Variants in GPHN observed in about 807,000 individuals in gnomAD.
The protein encoded by GPHN is gephyrin.
In GPHN, 17 loss-of-function variants were observed where a neutral mutation model predicts 95.5. The observed-to-expected ratio is 0.18, with a 90% CI of 0.12 to 0.27. GPHN has a LOEUF of 0.27. GPHN is among the 10% of genes least tolerant of loss of function. GPHN has a pLI of 1.00. For missense variants in GPHN, 660 were observed against 978.1 expected (o/e 0.67, Z 4.34); for synonymous variants, 320 against 322.5 (o/e 0.99, Z 0.08).
At chr14:67,264,524 G>T in the GPHN span, among the ~76,000 whole-genome samples, 1 of 152,032 alleles carries the variant, frequency 6.6e-6, no homozygotes, top group Non-Finnish European at 1.5e-5. Flanking sequence ...TTAAGTTTTT[G>T]AATCCATTTT....
the GPHN span, chr14:67,312,637 A>G: frequency 6.2e-7 from 1 of 1,613,672 alleles, no homozygotes; most frequent in Non-Finnish European, 8.5e-7. Flanking sequence ...TGATCAGTCA[A>G]GAAGATCCAA....
intron 3 of GPHN, among the ~76,000 whole-genome samples, chr14:66,796,742 G>A (rs143160010): frequency 0.012 from 1,783 of 152,036 alleles, 16 homozygotes; most frequent in Non-Finnish European, 0.018. Flanking sequence ...CCGATGGGTA[G>A]CTTGCAAATA....
chr14:67,722,752 C>G, the GPHN span: 1 of 1,506,870 alleles, frequency 6.6e-7, no homozygotes, highest in Non-Finnish European at 9.2e-7. Flanking sequence ...TTTACAAAGA[C>G]CTGCACTGGA....
intron 4 of GPHN, among the ~76,000 whole-genome samples, chr14:66,876,399 C>T (rs1021013493): frequency 6.6e-6 from 1 of 152,012 alleles, no homozygotes; most frequent in African/African-American, 2.4e-5. Flanking sequence ...TAACTAAAAT[C>T]AGAGTAAAAC....
intron 12 of GPHN, among the ~76,000 whole-genome samples, chr14:67,090,107 T>C (rs2077087516): frequency 6.6e-6 from 1 of 152,176 alleles, no homozygotes; most frequent in Admixed American, 6.5e-5. Flanking sequence ...TTATTGGTTA[T>C]TAATTCAAGG....
chr14:67,709,466 C>T, the GPHN span, among the ~76,000 whole-genome samples: 1 of 152,228 alleles, frequency 6.6e-6, no homozygotes, highest in African/African-American at 2.4e-5. Context: ...GTTAATGCTT[C>T]AAGAAAACCT....
At chr14:66,984,008 A>G (rs987330007) in intron 9 of GPHN, among the ~76,000 whole-genome samples, 1 of 152,202 alleles carries the variant, frequency 6.6e-6, no homozygotes, top group African/African-American at 2.4e-5. Flanking sequence ...CTTGAAAAAG[A>G]TACCTAATGT....
intron 1 of GPHN, among the ~76,000 whole-genome samples, chr14:66,640,984 C>A (rs1484653774): frequency 1.3e-5 from 2 of 152,010 alleles, no homozygotes; most frequent in Non-Finnish European, 2.9e-5. Context: ...AACAAGTAAA[C>A]CCCAATTATA....
chr14:67,347,791 C>T, the GPHN span, among the ~76,000 whole-genome samples: 1 of 152,094 alleles, frequency 6.6e-6, no homozygotes, highest in Non-Finnish European at 1.5e-5. Flanking sequence ...TGAGCCACCG[C>T]GCCTGGCCTA....
At chr14:67,335,121 A>ATGAT in the GPHN span, 2 of 150,004 alleles carry the variant, frequency 1.3e-5, no homozygotes, top group African/African-American at 2.4e-5. Flanking sequence ...GAAGTCTGAG[A>ATGAT]TGATAAATAT....
At chr14:66,862,581 C>A (rs2063070380) in intron 4 of GPHN, among the ~76,000 whole-genome samples, 1 of 151,906 alleles carries the variant, frequency 6.6e-6, no homozygotes, top group South Asian at 2.1e-4. Context: ...AATATTGATA[C>A]AAAAATCCTC....
chr14:66,904,114 C>T (rs2065251846), intron 5 of GPHN, among the ~76,000 whole-genome samples: 1 of 152,090 alleles, frequency 6.6e-6, no homozygotes, highest in African/African-American at 2.4e-5. Flanking sequence ...CCGGTGGGTT[C>T]GTGGTCTCGC....
the GPHN span, chr14:67,577,260 A>G: frequency 7.8e-7 from 1 of 1,277,598 alleles, no homozygotes; most frequent in Non-Finnish European, 1.1e-6. Flanking sequence ...GTCCCCTCTC[A>G]GTAGTAACTG....
At chr14:67,521,233 A>C in the GPHN span, among the ~76,000 whole-genome samples, 8,945 of 152,356 alleles carry the variant, frequency 0.059, 359 homozygotes, top group South Asian at 0.15. Flanking sequence ...AGGTAACTTC[A>C]TAAATTACAT....
chr14:67,444,399 G>A, the GPHN span, among the ~76,000 whole-genome samples: 5 of 152,190 alleles, frequency 3.3e-5, no homozygotes, highest in Non-Finnish European at 7.3e-5. Flanking sequence ...GTGTGATGAA[G>A]TATGCATTCA....
At chr14:66,587,455 A>G (rs1256283187) in intron 1 of GPHN, among the ~76,000 whole-genome samples, 1 of 152,200 alleles carries the variant, frequency 6.6e-6, no homozygotes, top group African/African-American at 2.4e-5. Context: ...TATTCCTGAT[A>G]AACAGATGCA....
chr14:67,342,690 CAGTT>C, the GPHN span, among the ~76,000 whole-genome samples: 2 of 148,294 alleles, frequency 1.3e-5, no homozygotes, highest in Non-Finnish European at 3.0e-5. Context: ...GTTAATATAA[CAGTT>C]AATATATTTC....
chr14:67,049,475 C>T (rs1410898457), intron 10 of GPHN, among the ~76,000 whole-genome samples: 1 of 148,482 alleles, frequency 6.7e-6, no homozygotes, highest in African/African-American at 2.5e-5. Context: ...GTAAGAGGTG[C>T]TTTGGGTTTG....
intron 5 of GPHN, among the ~76,000 whole-genome samples, chr14:66,885,838 TA>T (rs33968959): frequency 1.7e-3 from 230 of 137,712 alleles, no homozygotes; most frequent in Middle Eastern, 3.7e-3. Context: ...TATAACAATT[TA>T]AAAAAAAAAA....
Sources: gnomAD v4.1 joint callset for allele counts (sites outside exome capture counted in the v4.1 genomes callset) on GRCh38, gnomAD v4.1.1 for gene constraint, MANE v1.5 for transcripts, NCBI Gene and HGNC (gene_info 2026-07-23, HGNC 2026-07-21) for gene names.